TMEM156: variants seen among roughly 807,000 people sequenced by gnomAD.
The protein encoded by TMEM156 is transmembrane protein 156.
In TMEM156, 28 loss-of-function variants were observed where a neutral mutation model predicts 30.5. That is an observed-to-expected ratio of 0.92 (90% CI 0.68 to 1.26). The LOEUF (loss-of-function observed/expected upper bound fraction) is 1.26, where lower values mean the gene tolerates loss of function less well. Ranked by LOEUF, TMEM156 falls within the 50% of genes most tolerant of loss-of-function variation. The probability of loss-of-function intolerance (pLI) is 0.00; values close to 1 mark genes in which losing one functional copy is unlikely to be tolerated. For synonymous variants in TMEM156, 137 were observed against 119.9 expected (o/e 1.14, Z -0.93); for missense variants, 351 against 340.6 (o/e 1.03, Z -0.24).
At chr4:38,975,786 T>C (rs1722824020) in intron 5 of TMEM156, among the ~76,000 whole-genome samples, 1 of 152,152 alleles carries the variant, frequency 6.6e-6, no homozygotes, top group Non-Finnish European at 1.5e-5. Flanking sequence ...TCCTTGAGCG[T>C]GGGCAAGACC....
At chr4:38,984,410 T>A (rs930199008) in intron 5 of TMEM156, among the ~76,000 whole-genome samples, 1 of 151,172 alleles carries the variant, frequency 6.6e-6, no homozygotes, top group African/African-American at 2.4e-5. Context: ...TTTAAATGCA[T>A]GAACAAATGG....
chr4:38,992,713 TA>T (rs1712586030), intron 3 of TMEM156, among the ~76,000 whole-genome samples: 4 of 46,642 alleles, frequency 8.6e-5, no homozygotes, highest in Non-Finnish European at 1.4e-4. Flanking sequence ...ATATATATAT[TA>T]TATATATATA....
intron 5 of TMEM156, among the ~76,000 whole-genome samples, chr4:38,978,120 T>C (rs1722967880): frequency 6.6e-6 from 1 of 152,284 alleles, no homozygotes; most frequent in South Asian, 2.1e-4. Flanking sequence ...CCATGAAAGC[T>C]CATCTAAAAC....
At chr4:38,994,764 A>G (rs12641528) in intron 2 of TMEM156, among the ~76,000 whole-genome samples, 19,758 of 152,084 alleles carry the variant, frequency 0.13, 1,370 homozygotes, top group East Asian at 0.21. Flanking sequence ...CCTGGCCAAC[A>G]TGGCAAAATC....
At chr4:38,977,639 G>T (rs1722930679) in intron 5 of TMEM156, among the ~76,000 whole-genome samples, 1 of 152,194 alleles carries the variant, frequency 6.6e-6, no homozygotes, top group Admixed American at 6.5e-5. Flanking sequence ...TAAGGCAGTA[G>T]AAACAGTCAG....
chr4:38,969,335 T>G (rs1351853977), intron 6 of TMEM156, among the ~76,000 whole-genome samples: 1 of 152,216 alleles, frequency 6.6e-6, no homozygotes, highest in Non-Finnish European at 1.5e-5. Flanking sequence ...ACATGTGATA[T>G]TTGCCTTTTT....
At chr4:39,019,115 C>T (rs1324031861) in intron 1 of TMEM156, among the ~76,000 whole-genome samples, 1 of 150,942 alleles carries the variant, frequency 6.6e-6, no homozygotes, top group African/African-American at 2.4e-5. Flanking sequence ...TGTGGGTTTC[C>T]TGAATTTGAG....
chr4:39,010,105 G>A (rs1714008697), intron 1 of TMEM156, among the ~76,000 whole-genome samples: 2 of 151,946 alleles, frequency 1.3e-5, no homozygotes, highest in South Asian at 2.1e-4. Flanking sequence ...TAACATTCAA[G>A]CTGAGAATCA....
intron 1 of TMEM156, among the ~76,000 whole-genome samples, chr4:39,001,152 C>T (rs1332930350): frequency 1.4e-5 from 2 of 146,838 alleles, no homozygotes; most frequent in African/African-American, 2.5e-5. Flanking sequence ...GGGTGGATCA[C>T]GAGGTCAGGA....
chr4:39,017,171 C>T (rs374504044), intron 1 of TMEM156, among the ~76,000 whole-genome samples: 23 of 91,280 alleles, frequency 2.5e-4, no homozygotes, highest in East Asian at 1.0e-3. Context: ...TGTATTTCTT[C>T]TTTTTTTTTT....
intron 1 of TMEM156, among the ~76,000 whole-genome samples, chr4:39,012,025 G>T (rs115120012): frequency 0.011 from 1,713 of 152,260 alleles, 27 homozygotes; most frequent in African/African-American, 0.039. Context: ...AAGTGGGAAG[G>T]GAGGGAAGGA....
chr4:39,016,044 A>G (rs559068041), intron 1 of TMEM156, among the ~76,000 whole-genome samples: 2 of 152,300 alleles, frequency 1.3e-5, no homozygotes, highest in African/African-American at 2.4e-5. Context: ...TAACATATGA[A>G]TCTTTCCAGT....
chr4:39,027,765 T>C (rs1715297413), intron 1 of TMEM156, among the ~76,000 whole-genome samples: 1 of 148,506 alleles, frequency 6.7e-6, no homozygotes, highest in African/African-American at 2.5e-5. Flanking sequence ...TTTCTTTTTT[T>C]TTTTTTTTTG....
chr4:39,028,194 G>A (rs1715324596), intron 1 of TMEM156, among the ~76,000 whole-genome samples: 3 of 152,184 alleles, frequency 2.0e-5, no homozygotes, highest in Non-Finnish European at 4.4e-5. Flanking sequence ...AGCCTCATCT[G>A]TGCTATTCTT....
At chr4:39,021,648 A>G (rs570967124) in intron 1 of TMEM156, among the ~76,000 whole-genome samples, 1 of 152,246 alleles carries the variant, frequency 6.6e-6, no homozygotes, top group South Asian at 2.1e-4. Flanking sequence ...GTTTGATACA[A>G]TCTCATTTGT....
intron 1 of TMEM156, among the ~76,000 whole-genome samples, chr4:39,011,619 C>T (rs1714125112): frequency 6.6e-6 from 1 of 151,948 alleles, no homozygotes; most frequent in Non-Finnish European, 1.5e-5. Context: ...ACTAAAAATA[C>T]AAAAATTAGC....
intron 1 of TMEM156, 75 bp from the exon 2 acceptor site, chr4:38,998,984 T>C: frequency 7.4e-7 from 1 of 1,350,574 alleles, no homozygotes; most frequent in Non-Finnish European, 1.0e-6. Context: ...ATACACAGTA[T>C]GCTCCCAGTT....
At chr4:39,020,760 G>A (rs1714813592) in intron 1 of TMEM156, among the ~76,000 whole-genome samples, 1 of 152,032 alleles carries the variant, frequency 6.6e-6, no homozygotes, top group African/African-American at 2.4e-5. Flanking sequence ...ATGTTGGCCA[G>A]GATGGTCTCG....
Position 38,996,497 on chromosome 4 carries a change from A to G in TMEM156, c.358+2143T>C, listed in dbSNP as rs531078593. Reference sequence around the variant, plus strand: ...TGAGGCAGGAGAATCGCTTGAAACTAGGAGGCAGAGGTTGCAGTGAGCTGA... The same window carrying G: ...TGAGGCAGGAGAATCGCTTGAAACTGGGAGGCAGAGGTTGCAGTGAGCTGA... On this transcript the variant is annotated intron_variant, in intron 2 of 6. Transcript: ENST00000381938. 1.5e-4 allele frequency among the ~76,000 whole-genome samples: 23 copies of G among 152,094 alleles called. 1 individual carries two copies. In the East Asian group the frequency reaches 3.7e-3, roughly 24 times the overall value.
Sources: gnomAD v4.1 joint callset for allele counts (sites outside exome capture counted in the v4.1 genomes callset) on GRCh38, gnomAD v4.1.1 for gene constraint, MANE v1.5 for transcripts, NCBI Gene and HGNC (gene_info 2026-07-23, HGNC 2026-07-21) for gene names.